The following INTS10 variants were observed in gnomAD, a reference collection of about 807,000 sequenced individuals.
The protein encoded by INTS10 is integrator complex subunit 10, also known as chromosome 8 open reading frame 35.
A neutral mutation model predicts 94.4 loss-of-function variants in INTS10; 44 were observed. The ratio of observed to expected loss-of-function variants is 0.47; its 90% CI spans 0.37 to 0.60. The LOEUF (loss-of-function observed/expected upper bound fraction) is 0.60, where lower values mean the gene tolerates loss of function less well. Ranked by LOEUF, INTS10 falls within the 20% of genes least tolerant of loss-of-function variation. INTS10 has a pLI of 0.00. For synonymous variants in INTS10, 341 were observed against 320.7 expected (o/e 1.06, Z -0.68); for missense variants, 797 against 868.7 (o/e 0.92, Z 1.04).
In INTS10 at chr8:19,849,038, T is replaced by G; in HGVS notation, c.1977-2611T>G. On this transcript the variant is annotated intron_variant, in intron 16 of 16. Coordinates refer to ENST00000397977, the MANE Select transcript of INTS10 (RefSeq NM_018142.4). This position sits in a 1 kb window ranked among gnomAD's most constrained non-coding sequence, Gnocchi z 4.6. ...CACCCAGCCACGGCCAGGGGCTTGT[T>G]GAGGTTAATGAGTTTCTGTTTAGTC... is the stretch of plus-strand genomic sequence containing the variant. 1 of 375,148 alleles carries G rather than the reference T, an allele frequency of 2.7e-6. No homozygotes were observed. Among genetic ancestry groups the G allele is most frequent in the Non-Finnish European group, 5.3e-6 (1 of 187,420 alleles). 23.2% of individuals were successfully genotyped at this position (375,148 alleles called of 1,614,324 possible).
rs1380142123 is a variant in INTS10, at chr8:19,819,663, C to T, written c.288C>T (p.Thr96=). The part of the protein sequence containing the change: ...ALRNDSQDKQ[T]QFLRSLFETL... ...GGAACGATTCACAGGACAAACAAAC[C>T]CAATTTTTAAGAAGTAAGAATAATG... Residue 96 remains threonine (T), a synonymous_variant, in exon 3 of 17, where the codon ACC becomes ACT. Transcript: ENST00000397977. 6.2e-7 allele frequency: 1 copy of T among 1,610,524 alleles called. No homozygotes were observed. Among genetic ancestry groups the T allele is most frequent in the Non-Finnish European group, 8.5e-7 (1 of 1,177,388 alleles).
In INTS10 at chr8:19,830,464, A is replaced by T. The variant is rs1356882721; in HGVS notation, c.1199A>T (p.Lys400Ile). The change falls in exon 10 of 17, where the codon AAA (lysine) becomes ATA (isoleucine). Residue 400 changes from lysine (K) to isoleucine (I), a missense_variant. By Grantham distance (102) the Lys-to-Ile change is moderately radical. Transcript: ENST00000397977. ...KGRNRHIVVN[K>I]AELANSTEVL... ...AGAAATCGTCACATTGTAGTCAATA[A>T]AGCCGAACTTGCTAACTCCACTGAA... The T allele has an allele frequency of 6.2e-7, 1 of 1,614,132 alleles. No individual in the cohort carries two copies. The highest frequency in any genetic ancestry group is 1.3e-5 in the African/African-American group (1 of 75,058).
intron 4 of INTS10, among the ~76,000 whole-genome samples, chr8:19,820,765 A>G (rs1386032906): frequency 1.3e-5 from 2 of 152,200 alleles, no homozygotes; most frequent in Non-Finnish European, 2.9e-5. Context: ...ATTGCAATCC[A>G]TATGGTAAAA....
chr8:19,834,866 G>A (rs1671927429), intron 12 of INTS10, among the ~76,000 whole-genome samples: 1 of 152,136 alleles, frequency 6.6e-6, no homozygotes, highest in Non-Finnish European at 1.5e-5. Context: ...GAAGGCATCA[G>A]CAGATTCAGT....
At chr8:19,818,057 T>C in intron 1 of INTS10, 1 of 602,672 alleles carries the variant, frequency 1.7e-6, no homozygotes, top group Non-Finnish European at 3.0e-6. Flanking sequence ...TTTGGAAATA[T>C]TATCCTACTT....
chr8:19,844,117 G>C lies in INTS10; in HGVS notation c.1761G>C (p.Gly587=). Residue 587 remains glycine, a synonymous_variant, in exon 15 of 17, where the codon GGG becomes GGC. Coordinates refer to ENST00000397977, the MANE Select transcript of INTS10 (RefSeq NM_018142.4). ...FTDNRDDMAL[G]HVIVLLQQEW... is the part of the protein sequence containing the mutation. ...ACAACAGAGACGACATGGCATTGGG[G>C]CATGTGATTGTGTTGCTTCAGCAAG... is the stretch of plus-strand genomic sequence containing the variant. The C allele has an allele frequency of 6.2e-7, 1 of 1,613,670 alleles. No homozygotes were observed. The highest frequency in any genetic ancestry group is 1.7e-4 in the Middle Eastern group (1 of 6,060).
rs1244295407 is a variant in INTS10 at position 19,823,373 on chromosome 8, T to G, written c.596T>G (p.Leu199Trp). ...CCTGCCAATTTATTGTATAAGTACT[T>G]GAACAAAGCAGCTGAATTTTATATC... ...RLPANLLYKYLNKAAEFYINY... is the reference protein window; with the variant it reads ...RLPANLLYKYWNKAAEFYINY... Residue 199 changes from leucine to tryptophan, a missense_variant, in exon 6 of 17, where the codon TTG becomes TGG. Leu to Trp is a moderately conservative substitution (Grantham distance 61). This residue lies in a region of INTS10 where 734 missense variants were observed against 787.8 expected (regional missense o/e 0.93). Coordinates refer to ENST00000397977, the MANE Select transcript of INTS10 (RefSeq NM_018142.4). 6.2e-7 allele frequency: 1 copy of G among 1,603,982 alleles called. No homozygotes were observed. Among genetic ancestry groups the G allele is most frequent in the Admixed American group, 1.7e-5 (1 of 59,992 alleles).
chr8:19,840,464 T>C (rs1430966746), intron 13 of INTS10, among the ~76,000 whole-genome samples: 8 of 152,168 alleles, frequency 5.3e-5, no homozygotes, highest in African/African-American at 1.9e-4. Context: ...TAAGTGGAAA[T>C]ATTACATAAT....
intron 2 of INTS10, 125 bp from the exon 3 acceptor site, chr8:19,819,448 T>C (rs1237446809): frequency 7.0e-6 from 4 of 575,316 alleles, no homozygotes; most frequent in Non-Finnish European, 8.9e-6. Context: ...TATTTTGGTT[T>C]GTTTTGGCAC....
intron 1 of INTS10, 110 bp downstream of exon 1, chr8:19,817,776 C>A (rs961606164): frequency 1.4e-5 from 20 of 1,393,292 alleles, no homozygotes; most frequent in Non-Finnish European, 1.8e-5. Context: ...GCCTCCTGCC[C>A]GGCCCCCTGC....
intron 10 of INTS10, among the ~76,000 whole-genome samples, chr8:19,831,257 C>G (rs1217406800): frequency 6.6e-6 from 1 of 152,176 alleles, no homozygotes; most frequent in African/African-American, 2.4e-5. Flanking sequence ...CGTTCAGTTT[C>G]TCTTTGTTAC....
At chr8:19,826,387 G>A in intron 8 of INTS10, 39 bp from the exon 9 acceptor site, 1 of 1,577,278 alleles carries the variant, frequency 6.3e-7, no homozygotes, top group South Asian at 1.2e-5. Context: ...TGGCCTCCTT[G>A]CTGCACTGGT....
chr8:19,824,564 A>C, intron 7 of INTS10: 1 of 411,804 alleles, frequency 2.4e-6, no homozygotes, highest in Non-Finnish European at 4.2e-6. Context: ...TTGTGTTTGA[A>C]CGTCTCCTAG....
intron 11 of INTS10, among the ~76,000 whole-genome samples, chr8:19,832,560 C>G (rs2067312805): frequency 6.6e-6 from 1 of 152,174 alleles, no homozygotes; most frequent in Non-Finnish European, 1.5e-5. Flanking sequence ...ACAGTGAGAC[C>G]TTGTCTCAAA....
intron 12 of INTS10, among the ~76,000 whole-genome samples, chr8:19,834,887 G>T (rs2067525676): frequency 6.6e-6 from 1 of 152,164 alleles, no homozygotes; most frequent in Non-Finnish European, 1.5e-5. Flanking sequence ...GTCTGGTGAG[G>T]TCCTGCTTCC....
intron 8 of INTS10, 39 bp downstream of exon 8, chr8:19,825,011 CATA>C (rs2066681433): frequency 6.5e-7 from 1 of 1,536,432 alleles, no homozygotes; most frequent in African/African-American, 1.4e-5. Context: ...AAAGCCAGTT[CATA>C]CTGTGGGGAT....
chr8:19,825,400 C>A (rs1164053171), intron 8 of INTS10, among the ~76,000 whole-genome samples: 2 of 152,004 alleles, frequency 1.3e-5, no homozygotes, highest in African/African-American at 4.8e-5. Flanking sequence ...ATTGTAGGCA[C>A]CTGTAATCCC....
At position 19,851,040 on chromosome 8, in the gene INTS10, G is replaced by A. The variant is rs370488294; in HGVS notation, c.1977-609G>A. 6.6e-6 allele frequency among the ~76,000 whole-genome samples: 1 copy of A among 152,028 alleles called. No homozygotes were observed. The highest frequency in any genetic ancestry group is 1.5e-5 in the Non-Finnish European group (1 of 68,010). ...TTCTTGTGTCAGGACCCCACCTCCCGCTGCGTTTTCTTCAACATATGAGAG... is the reference window on the plus strand; with the variant it reads ...TTCTTGTGTCAGGACCCCACCTCCCACTGCGTTTTCTTCAACATATGAGAG... On this transcript the variant is annotated intron_variant, in intron 16 of 16. Transcript: ENST00000397977. This position sits in a 1 kb window ranked among gnomAD's most constrained non-coding sequence, Gnocchi z 5.0.
At chr8:19,836,116 A>T (rs73599578) in intron 12 of INTS10, among the ~76,000 whole-genome samples, 3,920 of 152,124 alleles carry the variant, frequency 0.026, 176 homozygotes, top group African/African-American at 0.09. Context: ...TATGTAACAA[A>T]TCTACACGTT....
Sources: gnomAD v4.1 joint callset for allele counts (sites outside exome capture counted in the v4.1 genomes callset) on GRCh38, gnomAD v4.1.1 for gene constraint, gnomAD v4.1.1 regional missense constraint, Gnocchi (gnomAD v3.1) non-coding constraint, MANE v1.5 for transcripts, NCBI Gene and HGNC (gene_info 2026-07-23, HGNC 2026-07-21) for gene names.